STK39: variants seen among roughly 807,000 people sequenced by gnomAD.
STK39 encodes STE20/SPS1-related proline-alanine-rich protein kinase.
STK39 carries 20 observed loss-of-function variants against 77.8 expected under a neutral mutation model. The observed-to-expected ratio is 0.26, with a 90% CI of 0.18 to 0.37. The LOEUF is 0.37. STK39 is among the 10% of genes least tolerant of loss of function. The pLI, the probability that STK39 is intolerant of heterozygous loss-of-function variation, is 1.00. For missense variants in STK39, 479 were observed against 656.5 expected (o/e 0.73, Z 2.95); for synonymous variants, 246 against 234.1 (o/e 1.05, Z -0.47).
At chr2:168,106,511 T>TG (rs1559099944) in intron 10 of STK39, among the ~76,000 whole-genome samples, 1 of 152,298 alleles carries the variant, frequency 6.6e-6, no homozygotes, top group South Asian at 2.1e-4. Flanking sequence ...TAGTTACATG[T>TG]GGGGTACAGC....
intron 16 of STK39, among the ~76,000 whole-genome samples, chr2:167,979,647 C>G (rs1199910334): frequency 6.6e-6 from 1 of 152,144 alleles, no homozygotes; most frequent in Non-Finnish European, 1.5e-5. Flanking sequence ...TGCAGGTCAT[C>G]CAGTAGATGA....
At chr2:168,113,072 C>T (rs1482188711) in intron 10 of STK39, 1 of 152,178 alleles carries the variant, frequency 6.6e-6, no homozygotes, top group East Asian at 1.9e-4. Context: ...TAAAATGAGC[C>T]CTAAACTGTT....
intron 10 of STK39, among the ~76,000 whole-genome samples, chr2:168,113,347 A>AT (rs1316511138): frequency 6.6e-6 from 1 of 152,172 alleles, no homozygotes; most frequent in Non-Finnish European, 1.5e-5. Flanking sequence ...ACAATACCAA[A>AT]AGAAGCCATT....
intron 16 of STK39, among the ~76,000 whole-genome samples, chr2:167,985,126 A>G (rs1040159711): frequency 3.3e-5 from 5 of 152,198 alleles, no homozygotes; most frequent in African/African-American, 1.2e-4. Flanking sequence ...TCTCTAGATG[A>G]TTCATTAATT....
At chr2:168,108,407 G>T (rs1367810668) in intron 10 of STK39, among the ~76,000 whole-genome samples, 1 of 152,054 alleles carries the variant, frequency 6.6e-6, no homozygotes, top group Non-Finnish European at 1.5e-5. Flanking sequence ...AATTAGCCGG[G>T]CGTAGTGGCA....
rs780458695 is a variant in STK39, at chr2:168,075,150, C to G, written c.1171G>C (p.Glu391Gln). ...DWEWSDDEMD[E>Q]KSEEGKAAFS... ...GCTGCTTTCCCTTCTTCGCTCTTCT[C>G]ATCCATCTCGTCGTCACTCCACTCC... The change falls in exon 11 of 18, where the codon GAG (glutamate) becomes CAG (glutamine). Residue 391 changes from glutamate to glutamine, a missense_variant. By Grantham distance (29) the Glu-to-Gln change is conservative. Around this residue, in one of 3 missense-constraint regions of STK39, gnomAD observed 244 missense variants for 296.8 expected, o/e 0.82. Transcript: ENST00000355999. The G allele has an allele frequency of 1.2e-6, 2 of 1,614,096 alleles. No homozygotes were observed. Among genetic ancestry groups the G allele is most frequent in the Admixed American group, 3.3e-5 (2 of 60,002 alleles).
intron 5 of STK39, among the ~76,000 whole-genome samples, chr2:168,159,338 G>A (rs183155185): frequency 1.7e-3 from 254 of 152,128 alleles, no homozygotes; most frequent in African/African-American, 5.7e-3. Context: ...CACCCCTGCC[G>A]TTGCTGAGTC....
chr2:168,105,526 G>A (rs1019895668), intron 10 of STK39, among the ~76,000 whole-genome samples: 6 of 152,232 alleles, frequency 3.9e-5, no homozygotes, highest in Non-Finnish European at 1.5e-5. Context: ...AAAGGGCCTT[G>A]TGAAAGGGAG....
intron 5 of STK39, among the ~76,000 whole-genome samples, chr2:168,151,749 A>G (rs1197024035): frequency 6.6e-6 from 1 of 152,054 alleles, no homozygotes; most frequent in African/African-American, 2.4e-5. Flanking sequence ...AAAAAAAAAA[A>G]AAAAAAATTC....
chr2:168,082,690 C>T (rs1191527684), intron 10 of STK39, among the ~76,000 whole-genome samples: 1 of 152,206 alleles, frequency 6.6e-6, no homozygotes, highest in Non-Finnish European at 1.5e-5. Flanking sequence ...ACACTGTTGC[C>T]CTGAGTGAAC....
intron 1 of STK39, among the ~76,000 whole-genome samples, chr2:168,186,351 G>C (rs1266891942): frequency 6.6e-6 from 1 of 152,166 alleles, no homozygotes; most frequent in African/African-American, 2.4e-5. Flanking sequence ...TGTTACAACA[G>C]CCCAAGCAGA....
chr2:167,987,498 TATA>T (rs963163410), intron 16 of STK39, among the ~76,000 whole-genome samples: 1 of 152,142 alleles, frequency 6.6e-6, no homozygotes, highest in Non-Finnish European at 1.5e-5. Flanking sequence ...AATATATATA[TATA>T]ATACTTCTCT....
intron 14 of STK39, among the ~76,000 whole-genome samples, chr2:168,022,713 G>A (rs538186294): frequency 2.6e-5 from 4 of 152,194 alleles, no homozygotes; most frequent in South Asian, 4.1e-4. Flanking sequence ...GTAATAAACC[G>A]ATTTCTGGGG....
intron 1 of STK39, among the ~76,000 whole-genome samples, chr2:168,206,578 G>A (rs999940662): frequency 6.6e-6 from 1 of 152,184 alleles, no homozygotes; most frequent in Non-Finnish European, 1.5e-5. Context: ...TGGGATTACA[G>A]GCATGAGCCA....
At chr2:168,030,241 A>G (rs548738798) in intron 14 of STK39, among the ~76,000 whole-genome samples, 1 of 152,238 alleles carries the variant, frequency 6.6e-6, no homozygotes, top group African/African-American at 2.4e-5. Context: ...CTCTGTCTCA[A>G]AATAATAATA....
At chr2:167,967,379 G>C (rs1387749966) in intron 16 of STK39, among the ~76,000 whole-genome samples, 1 of 152,114 alleles carries the variant, frequency 6.6e-6, no homozygotes, top group African/African-American at 2.4e-5. Flanking sequence ...CCTGTCACTA[G>C]GGCTTTACCA....
chr2:168,061,302 G>A (rs1238981347), intron 14 of STK39, among the ~76,000 whole-genome samples: 2 of 150,422 alleles, frequency 1.3e-5, no homozygotes, highest in Admixed American at 1.3e-4. Flanking sequence ...ACCACATCTG[G>A]AATCCTGTAT....
chr2:168,075,331 A>G (rs1310669318), intron 10 of STK39, 100 bp from the exon 11 acceptor site: 2 of 1,504,316 alleles, frequency 1.3e-6, no homozygotes, highest in African/African-American at 1.4e-5. Flanking sequence ...CAACCTGAAA[A>G]TAACCTGAGT....
chr2:168,005,202 C>T (rs1325366830), intron 16 of STK39, among the ~76,000 whole-genome samples: 1 of 151,884 alleles, frequency 6.6e-6, no homozygotes, highest in Non-Finnish European at 1.5e-5. Context: ...GACAAAGTTT[C>T]TCCATGTTGG....
Sources: allele counts gnomAD v4.1 joint callset (sites outside exome capture counted in the v4.1 genomes callset), GRCh38; gene constraint gnomAD v4.1.1; regional missense constraint gnomAD v4.1.1; transcripts MANE v1.5; gene names NCBI Gene and HGNC (gene_info 2026-07-23, HGNC 2026-07-21).